The following RBFOX1 variants were observed in gnomAD, a reference collection of about 807,000 sequenced individuals.
RBFOX1 encodes the protein RNA binding protein fox-1 homolog 1.
A neutral mutation model predicts 57.7 loss-of-function variants in RBFOX1; 8 were observed. That is an observed-to-expected ratio of 0.14 (90% CI 0.08 to 0.25). The LOEUF is 0.25. RBFOX1 is among the 10% of genes least tolerant of loss of function. The probability of loss-of-function intolerance (pLI) is 1.00; values close to 1 mark genes in which losing one functional copy is unlikely to be tolerated. For synonymous variants in RBFOX1, 326 were observed against 222.4 expected (o/e 1.47, Z -4.15); for missense variants, 611 against 548.5 (o/e 1.11, Z -1.14).
chr16:7,344,439 T>G (rs191872411), intron 4 of RBFOX1, among the ~76,000 whole-genome samples: 1 of 150,202 alleles, frequency 6.7e-6, no homozygotes, highest in African/African-American at 2.4e-5. Flanking sequence ...ATGTATTTTA[T>G]GTAACACATA....
At chr16:7,085,992 T>C (rs1551962) in intron 4 of RBFOX1, among the ~76,000 whole-genome samples, 123,417 of 152,112 alleles carry the variant, frequency 0.81, 50,704 homozygotes, top group East Asian at 0.93. Context: ...TGAGAACTTG[T>C]CAGTTGAGGG....
At chr16:7,147,213 C>A (rs1474359594) in intron 4 of RBFOX1, among the ~76,000 whole-genome samples, 2 of 150,266 alleles carry the variant, frequency 1.3e-5, no homozygotes, top group South Asian at 2.1e-4. Flanking sequence ...CCATGTTGGC[C>A]AGGCTGGTCA....
At chr16:7,178,128 A>G (rs1295663708) in intron 4 of RBFOX1, among the ~76,000 whole-genome samples, 4 of 152,242 alleles carry the variant, frequency 2.6e-5, no homozygotes, top group African/African-American at 9.6e-5. Context: ...TGACAGCAGC[A>G]GCAGCAACAA....
intron 2 of RBFOX1, among the ~76,000 whole-genome samples, chr16:6,465,829 CT>C (rs769637803): frequency 3.4e-5 from 5 of 148,918 alleles, no homozygotes; most frequent in Admixed American, 6.7e-5. Context: ...CTACAGTTTA[CT>C]TTAAGTCACT....
chr16:7,381,044 G>A (rs892176770), intron 4 of RBFOX1, among the ~76,000 whole-genome samples: 11 of 152,322 alleles, frequency 7.2e-5, no homozygotes, highest in African/African-American at 2.6e-4. Context: ...CTACATGAGT[G>A]TTTAATATTT....
intron 3 of RBFOX1, among the ~76,000 whole-genome samples, chr16:5,695,935 TAA>T (rs1022245434): frequency 4.6e-5 from 7 of 152,152 alleles, no homozygotes; most frequent in African/African-American, 1.4e-4. Context: ...AAAAAATCGA[TAA>T]GAGAAGAATT....
Position 6,487,747 on chromosome 16 carries a change from AT to A in RBFOX1, c.-63-166855del, listed in dbSNP as rs1567405959. 7.1e-4 allele frequency among the ~76,000 whole-genome samples: 53 copies of A among 74,462 alleles called. 1 individual carries two copies. Among genetic ancestry groups the A allele is most frequent in the African/African-American group, 2.4e-3 (48 of 20,066 alleles). 48.8% of individuals were successfully genotyped at this position (74,462 alleles called of 152,430 possible). A position where few individuals can be genotyped will look rare whatever the true frequency, so the allele number is the denominator to read the frequency against. On this transcript the variant is annotated intron_variant, in intron 2 of 15. Coordinates refer to ENST00000550418, the MANE Select transcript of RBFOX1 (RefSeq NM_018723.4). Reference sequence around the variant, plus strand: ...TATATATATATATATATATATATATATATATATAAAATATTATGCAGTGATG... The same window carrying A: ...TATATATATATATATATATATATATAATATATAAAATATTATGCAGTGATG...
chr16:7,704,431 C>G (rs1319624578), intron 14 of RBFOX1, among the ~76,000 whole-genome samples: 1 of 152,164 alleles, frequency 6.6e-6, no homozygotes, highest in Non-Finnish European at 1.5e-5. Flanking sequence ...TTTCTTCTGT[C>G]TTGAAGCATC....
intron 3 of RBFOX1, among the ~76,000 whole-genome samples, chr16:5,705,173 C>G (rs1248063298): frequency 6.6e-6 from 1 of 152,180 alleles, no homozygotes; most frequent in African/African-American, 2.4e-5. Context: ...TCCTTGAAGG[C>G]TATCTTCCTA....
intron 4 of RBFOX1, among the ~76,000 whole-genome samples, chr16:5,896,778 C>G (rs1307088391): frequency 1.3e-5 from 2 of 151,992 alleles, no homozygotes; most frequent in African/African-American, 4.8e-5. Flanking sequence ...CTGTATCAGC[C>G]AACACTTTAG....
At chr16:5,283,499 A>G (rs1015986569) in intron 1 of RBFOX1, among the ~76,000 whole-genome samples, 3 of 151,966 alleles carry the variant, frequency 2.0e-5, no homozygotes, top group Admixed American at 6.6e-5. Flanking sequence ...GGGGTGTTAT[A>G]CCCTACAAAG....
chr16:5,789,787 A>T (rs2054627154), intron 3 of RBFOX1, among the ~76,000 whole-genome samples: 1 of 152,130 alleles, frequency 6.6e-6, no homozygotes, highest in African/African-American at 2.4e-5. Flanking sequence ...TCCTAATCTG[A>T]TCTCAAGATG....
intron 1 of RBFOX1, among the ~76,000 whole-genome samples, chr16:5,336,282 C>T (rs12444601): frequency 2.0e-5 from 3 of 152,080 alleles, no homozygotes; most frequent in Admixed American, 2.0e-4. Flanking sequence ...ATTTCCTGGG[C>T]ACTTCCTTTG....
chr16:5,825,826 T>A (rs62014136), intron 3 of RBFOX1, among the ~76,000 whole-genome samples: 20 of 45,484 alleles, frequency 4.4e-4, no homozygotes, highest in African/African-American at 1.0e-3. Flanking sequence ...ATAATATTCC[T>A]TAATATGAAT....
intron 3 of RBFOX1, among the ~76,000 whole-genome samples, chr16:6,780,656 T>C (rs1044771971): frequency 2.9e-4 from 43 of 148,370 alleles, no homozygotes; most frequent in African/African-American, 1.0e-3. Context: ...TATATGTATA[T>C]ATCTATATTG....
chr16:5,496,951 A>G (rs939114478), intron 2 of RBFOX1, among the ~76,000 whole-genome samples: 3 of 152,224 alleles, frequency 2.0e-5, no homozygotes, highest in South Asian at 2.1e-4. Flanking sequence ...GCACTAAGTG[A>G]TATTTATATC....
intron 3 of RBFOX1, among the ~76,000 whole-genome samples, chr16:6,686,992 A>G (rs956985234): frequency 3.9e-5 from 6 of 152,210 alleles, no homozygotes; most frequent in African/African-American, 1.4e-4. Context: ...TAACAAACCA[A>G]TAATATGTCG....
chr16:7,549,669 A>G (rs1284089881), intron 5 of RBFOX1, among the ~76,000 whole-genome samples: 2 of 152,146 alleles, frequency 1.3e-5, no homozygotes, highest in Admixed American at 6.5e-5. Flanking sequence ...AGCATGCAGC[A>G]TGGGAGAAAG....
In RBFOX1 at chr16:7,579,324, G is replaced by C. The variant is rs144786287; in HGVS notation, c.271-453G>C. Among the ~76,000 whole-genome samples the C allele has an allele frequency of 4.3e-4, 66 of 152,270 alleles. 1 individual carries two copies. The highest frequency in any genetic ancestry group is 1.6e-3 in the African/African-American group (65 of 41,548). On this transcript the variant is annotated intron_variant, in intron 5 of 15. Coordinates refer to ENST00000550418, the MANE Select transcript of RBFOX1 (RefSeq NM_018723.4). ...GAACAATTATGTAGGCATATCTTCA[G>C]ATTCTGAACAGCGTCGGTTAAGAAA... is the stretch of plus-strand genomic sequence containing the variant.
Sources: gnomAD v4.1 joint callset for allele counts (sites outside exome capture counted in the v4.1 genomes callset) on GRCh38, gnomAD v4.1.1 for gene constraint, MANE v1.5 for transcripts, NCBI Gene and HGNC (gene_info 2026-07-23, HGNC 2026-07-21) for gene names.